The following ADAMTSL1 variants were observed in gnomAD, a reference collection of about 807,000 sequenced individuals.
ADAMTSL1 encodes ADAMTS like 1, also known as ADAMTS-like protein 1.
Under a neutral mutation model 201.8 loss-of-function variants are expected in ADAMTSL1, and 126 were observed. The ratio of observed to expected loss-of-function variants is 0.62; its 90% CI spans 0.54 to 0.72. The LOEUF (loss-of-function observed/expected upper bound fraction) is 0.72, where lower values mean the gene tolerates loss of function less well. ADAMTSL1 is among the 30% of genes least tolerant of loss of function. The pLI, the probability that ADAMTSL1 is intolerant of heterozygous loss-of-function variation, is 0.00. For missense variants in ADAMTSL1, 2,679 were observed against 2,277.8 expected, an observed-to-expected ratio of 1.18 and a Z score of -3.59; for synonymous variants, 1,121 against 903.4, an observed-to-expected ratio of 1.24 and a Z score of -4.32.
chr9:18,558,585 A>G (rs1487065899), intron 3 of ADAMTSL1, among the ~76,000 whole-genome samples: 1 of 152,182 alleles, frequency 6.6e-6, no homozygotes, highest in Admixed American at 6.5e-5. Flanking sequence ...GAATCGCCAC[A>G]CTGTTTTCCA....
intron 1 of ADAMTSL1, among the ~76,000 whole-genome samples, chr9:17,952,988 T>C (rs1827788597): frequency 2.0e-5 from 3 of 151,192 alleles, no homozygotes; most frequent in Admixed American, 2.0e-4. Flanking sequence ...ATTTGGACCT[T>C]GACTCTTTCA....
chr9:18,777,047 T>A lies in ADAMTSL1; in HGVS notation c.2818T>A (p.Ser940Thr). The part of the protein sequence containing the change: ...GYLKIHRLKP[S>T]DAGVYTCSAG... ...TCTCAAGATCCACCGCCTCAAGCCC[T>A]CGGATGCAGGCGTCTACACCTGCTC... Residue 940 changes from serine (S) to threonine (T), a missense_variant, in exon 19 of 29, where the codon TCG becomes ACG. Ser to Thr is a moderately conservative substitution (Grantham distance 58, BLOSUM62 1). Coordinates refer to ENST00000380548, the MANE Select transcript of ADAMTSL1 (RefSeq NM_001040272.6). 6.2e-7 allele frequency: 1 copy of A among 1,612,140 alleles called. No individual in the cohort carries two copies.
intron 15 of ADAMTSL1, among the ~76,000 whole-genome samples, chr9:18,749,414 G>A (rs1819328552): frequency 6.6e-6 from 1 of 152,076 alleles, no homozygotes; most frequent in Admixed American, 6.5e-5. Flanking sequence ...AGGAAAAGAT[G>A]AATAAAAGCC....
chr9:18,623,647 T>G (rs566684260), intron 5 of ADAMTSL1, among the ~76,000 whole-genome samples: 3 of 152,286 alleles, frequency 2.0e-5, no homozygotes, highest in African/African-American at 7.2e-5. Context: ...TCTGAGGCAT[T>G]TTATGATACA....
At chr9:18,816,130 T>C (rs918412028) in intron 20 of ADAMTSL1, among the ~76,000 whole-genome samples, 26 of 152,232 alleles carry the variant, frequency 1.7e-4, no homozygotes, top group South Asian at 6.2e-4. Flanking sequence ...AATCTCTCGC[T>C]ATCTTCCTCT....
At chr9:18,576,157 C>T (rs1822710599) in intron 4 of ADAMTSL1, among the ~76,000 whole-genome samples, 1 of 151,970 alleles carries the variant, frequency 6.6e-6, no homozygotes, top group Non-Finnish European at 1.5e-5. Flanking sequence ...ATTTGAAAAG[C>T]ATTGTAACTT....
At chr9:18,720,954 C>T (rs112234592) in intron 14 of ADAMTSL1, among the ~76,000 whole-genome samples, 2,155 of 152,196 alleles carry the variant, frequency 0.014, 13 homozygotes, top group Middle Eastern at 0.031. Flanking sequence ...GGTTATTATG[C>T]ATCTTATTCT....
At chr9:18,171,649 A>C (rs1294075877) in intron 2 of ADAMTSL1, among the ~76,000 whole-genome samples, 1 of 152,090 alleles carries the variant, frequency 6.6e-6, no homozygotes, top group Non-Finnish European at 1.5e-5. Flanking sequence ...CTATGATGAT[A>C]GTTTCTTTTG....
chr9:18,444,067 A>G (rs531093577), intron 2 of ADAMTSL1, among the ~76,000 whole-genome samples: 2 of 152,288 alleles, frequency 1.3e-5, no homozygotes, highest in East Asian at 3.9e-4. Flanking sequence ...TTTTGTGAGG[A>G]TGTGTCAGAA....
At chr9:18,384,307 A>G (rs1241173733) in intron 2 of ADAMTSL1, among the ~76,000 whole-genome samples, 1 of 152,016 alleles carries the variant, frequency 6.6e-6, no homozygotes, top group East Asian at 1.9e-4. Flanking sequence ...GCCATATCTC[A>G]TGAGAACTCA....
At chr9:18,156,590 C>T (rs1009404320) in intron 1 of ADAMTSL1, among the ~76,000 whole-genome samples, 15 of 151,660 alleles carry the variant, frequency 9.9e-5, no homozygotes, top group African/African-American at 3.4e-4. Flanking sequence ...TTCTTGGCAT[C>T]GAATGAGTAT....
At chr9:18,338,068 A>C (rs1835315381) in intron 2 of ADAMTSL1, among the ~76,000 whole-genome samples, 1 of 152,112 alleles carries the variant, frequency 6.6e-6, no homozygotes, top group Non-Finnish European at 1.5e-5. Context: ...AACTTTGTTG[A>C]TTACTTTCAC....
intron 2 of ADAMTSL1, among the ~76,000 whole-genome samples, chr9:18,202,201 C>T (rs541019920): frequency 2.6e-5 from 4 of 152,146 alleles, no homozygotes; most frequent in African/African-American, 9.6e-5. Flanking sequence ...TCAGAAAGAA[C>T]TGGAGTAAAA....
At chr9:18,028,164 A>G (rs1258424369) in intron 1 of ADAMTSL1, among the ~76,000 whole-genome samples, 1 of 151,884 alleles carries the variant, frequency 6.6e-6, no homozygotes, top group Non-Finnish European at 1.5e-5. Flanking sequence ...CAAGGTTACT[A>G]TTGGTATGTG....
intron 2 of ADAMTSL1, among the ~76,000 whole-genome samples, chr9:18,376,300 C>T (rs1309796677): frequency 6.6e-6 from 1 of 151,946 alleles, no homozygotes; most frequent in African/African-American, 2.4e-5. Flanking sequence ...GATATGTACA[C>T]AGATATGTAT....
intron 4 of ADAMTSL1, among the ~76,000 whole-genome samples, chr9:18,593,526 A>T (rs1017922073): frequency 1.3e-4 from 20 of 151,360 alleles, no homozygotes; most frequent in Admixed American, 1.1e-3. Context: ...CTCTTTTTTG[A>T]TGTAGGTGCT....
intron 1 of ADAMTSL1, among the ~76,000 whole-genome samples, chr9:17,914,542 A>C (rs948134156): frequency 2.0e-5 from 3 of 151,880 alleles, no homozygotes; most frequent in African/African-American, 7.2e-5. Flanking sequence ...AGAGCTATCT[A>C]TGACAAACCC....
chr9:17,941,183 T>C (rs74321556), intron 1 of ADAMTSL1, among the ~76,000 whole-genome samples: 13,055 of 152,130 alleles, frequency 0.086, 701 homozygotes, highest in Non-Finnish European at 0.13. Context: ...AGATTTCTTT[T>C]GGTTTAGATG....
chr9:18,089,292 A>G (rs1036317552), intron 1 of ADAMTSL1, among the ~76,000 whole-genome samples: 1 of 152,210 alleles, frequency 6.6e-6, no homozygotes, highest in African/African-American at 2.4e-5. Flanking sequence ...GCCATAAAAA[A>G]GGATGAGCTC....
Sources: gnomAD v4.1 joint callset for allele counts (sites outside exome capture counted in the v4.1 genomes callset) on GRCh38, gnomAD v4.1.1 for gene constraint, MANE v1.5 for transcripts, NCBI Gene and HGNC (gene_info 2026-07-23, HGNC 2026-07-21) for gene names.